Variants in CDH4 observed in about 807,000 individuals in gnomAD.
The protein encoded by CDH4 is cadherin-4.
CDH4 carries 33 observed loss-of-function variants against 86.0 expected under a neutral mutation model. That is an observed-to-expected ratio of 0.38 (90% CI 0.29 to 0.51). The LOEUF (loss-of-function observed/expected upper bound fraction) is 0.51, where lower values mean the gene tolerates loss of function less well. Ranked by LOEUF, CDH4 falls within the 20% of genes least tolerant of loss-of-function variation. The probability of loss-of-function intolerance (pLI) is 0.86; values close to 1 mark genes in which losing one functional copy is unlikely to be tolerated. For synonymous variants in CDH4, 555 were observed against 549.4 expected (o/e 1.01, Z -0.14); for missense variants, 1,114 against 1,307.4 (o/e 0.85, Z 2.28).
intron 4 of CDH4, among the ~76,000 whole-genome samples, chr20:61,825,000 G>A (rs12480435): frequency 6.6e-6 from 1 of 152,308 alleles, no homozygotes; most frequent in African/African-American, 2.4e-5. Context: ...CATAACAACA[G>A]CTATAACTGG....
At chr20:61,597,905 AG>A (rs1473789526) in intron 2 of CDH4, among the ~76,000 whole-genome samples, 15 of 152,366 alleles carry the variant, frequency 9.8e-5, no homozygotes, top group Middle Eastern at 3.4e-3. Context: ...ACTGAAGGGC[AG>A]GGTGGACCAG....
chr20:61,499,312 G>A (rs2085683812), intron 2 of CDH4: 1 of 474,398 alleles, frequency 2.1e-6, no homozygotes, highest in African/African-American at 2.0e-5. Flanking sequence ...ACTCTGGCCA[G>A]GTACTTTCAT....
intron 2 of CDH4, among the ~76,000 whole-genome samples, chr20:61,660,322 CAAAG>C (rs1256192647): frequency 3.9e-5 from 6 of 151,932 alleles, no homozygotes; most frequent in East Asian, 1.9e-4. Context: ...TCTTATCAAA[CAAAG>C]AGTGTTTAAT....
chr20:61,390,755 A>AGCACC (rs2084980702), intron 2 of CDH4, among the ~76,000 whole-genome samples: 3 of 150,270 alleles, frequency 2.0e-5, no homozygotes, highest in Admixed American at 1.3e-4. Flanking sequence ...GGGTGCCCAT[A>AGCACC]GTGCCGTGTC....
chr20:61,732,469 C>A (rs2088203509), intron 2 of CDH4, among the ~76,000 whole-genome samples: 1 of 152,200 alleles, frequency 6.6e-6, no homozygotes, highest in Non-Finnish European at 1.5e-5. Flanking sequence ...TCCTGCCCCC[C>A]AGTCTCCTCC....
intron 2 of CDH4, among the ~76,000 whole-genome samples, chr20:61,731,005 G>A (rs1227131272): frequency 6.6e-6 from 1 of 151,530 alleles, no homozygotes; most frequent in East Asian, 1.9e-4. Flanking sequence ...GAGCAGCTGA[G>A]GGGGTCTCAG....
At position 61,707,896 on chromosome 20, in the gene CDH4, G is replaced by A. The variant is rs193143513; in HGVS notation, c.170-35667G>A. Among the ~76,000 whole-genome samples, 9 of 152,294 alleles carry A rather than the reference G, an allele frequency of 5.9e-5. No homozygotes were observed. The South Asian group carries it at 6.2e-4, about 11-fold the overall frequency. On this transcript the variant is annotated intron_variant, in intron 2 of 15. Transcript: ENST00000614565. ...TCTTCCTGTGTCCTGATCTCAGCTCGGGAATGTGTCTGGTGTGTTTGTTTC... is the reference window on the plus strand; with the variant it reads ...TCTTCCTGTGTCCTGATCTCAGCTCAGGAATGTGTCTGGTGTGTTTGTTTC...
At chr20:61,721,192 G>T (rs1171145639) in intron 2 of CDH4, among the ~76,000 whole-genome samples, 5 of 152,214 alleles carry the variant, frequency 3.3e-5, no homozygotes, top group Admixed American at 6.5e-5. Flanking sequence ...GCAGCCAGAA[G>T]GGTCCAGTCC....
chr20:61,323,770 C>G (rs1474210738), intron 2 of CDH4, among the ~76,000 whole-genome samples: 1 of 152,194 alleles, frequency 6.6e-6, no homozygotes, highest in Non-Finnish European at 1.5e-5. Context: ...GGCCTCTCAT[C>G]TTGCCGTCAC....
chr20:61,874,196 C>T (rs1380299540), intron 7 of CDH4, among the ~76,000 whole-genome samples: 1 of 152,022 alleles, frequency 6.6e-6, no homozygotes, highest in African/African-American at 2.4e-5. Context: ...GGTCTAGCCG[C>T]AGCTGCACTC....
intron 2 of CDH4, among the ~76,000 whole-genome samples, chr20:61,424,214 G>T (rs572857370): frequency 3.6e-5 from 5 of 138,988 alleles, no homozygotes; most frequent in South Asian, 4.6e-4. Flanking sequence ...TCCACACACA[G>T]CACACATGTA....
chr20:61,554,450 T>TA (rs1323079098), intron 2 of CDH4, among the ~76,000 whole-genome samples: 1 of 152,180 alleles, frequency 6.6e-6, no homozygotes, highest in Admixed American at 6.5e-5. Context: ...TATTTTCTCT[T>TA]AAAGTTAATT....
At chr20:61,880,026 C>G (rs1426127079) in intron 7 of CDH4, among the ~76,000 whole-genome samples, 4 of 152,214 alleles carry the variant, frequency 2.6e-5, no homozygotes, top group Non-Finnish European at 4.4e-5. Context: ...TCAAGACCCT[C>G]TGCCCGCCCG....
chr20:61,898,623 G>A (rs914635394), intron 8 of CDH4, among the ~76,000 whole-genome samples: 3 of 152,190 alleles, frequency 2.0e-5, no homozygotes, highest in Non-Finnish European at 4.4e-5. Context: ...CACGGAGGGG[G>A]GGTCCCCTGG....
intron 2 of CDH4, among the ~76,000 whole-genome samples, chr20:61,636,258 G>T (rs540347399): frequency 8.5e-5 from 13 of 152,330 alleles, no homozygotes; most frequent in Admixed American, 1.3e-4. Context: ...ATAAGAAAAA[G>T]CACTCCCAGA....
chr20:61,710,911 G>A (rs1202628998), intron 2 of CDH4, among the ~76,000 whole-genome samples: 1 of 152,230 alleles, frequency 6.6e-6, no homozygotes, highest in Non-Finnish European at 1.5e-5. Context: ...TCCTGTCACT[G>A]CTCTAACAAA....
chr20:61,512,026 C>T (rs2225224), intron 2 of CDH4, among the ~76,000 whole-genome samples: 86,537 of 151,948 alleles, frequency 0.57, 25,493 homozygotes, highest in African/African-American at 0.71. Context: ...ACCCTCCATC[C>T]GCATTGATTT....
chr20:61,252,452 C>T lies in CDH4; in HGVS notation c.-62C>T, dbSNP rs2084065888. 3 of 832,134 alleles carry T rather than the reference C, an allele frequency of 3.6e-6. No homozygotes were observed. The highest frequency in any genetic ancestry group is 2.9e-6 in the Non-Finnish European group (2 of 682,172). The allele number at this position is 832,134 out of a possible 1,614,324, so 51.5% of individuals were successfully genotyped here. A position where few individuals can be genotyped will look rare whatever the true frequency, so the allele number is the denominator to read the frequency against. ...GCGGCGGCGGTGGTCTCGGCGGCGG[C>T]GGCGGCGGCGGCGGCAGGGAGCGGG... On this transcript the variant is annotated 5_prime_UTR_variant, in exon 1 of 16. Coordinates refer to ENST00000614565, the MANE Select transcript of CDH4 (RefSeq NM_001794.5). The surrounding 1 kb of genome is among the most constrained non-coding windows in gnomAD (Gnocchi z 4.4).
intron 2 of CDH4, among the ~76,000 whole-genome samples, chr20:61,335,370 T>C (rs987184347): frequency 2.6e-5 from 4 of 152,194 alleles, no homozygotes; most frequent in African/African-American, 9.7e-5. Flanking sequence ...GGATGTGACA[T>C]TTAAAATATT....
Sources: gnomAD v4.1 joint callset for allele counts (sites outside exome capture counted in the v4.1 genomes callset) on GRCh38, gnomAD v4.1.1 for gene constraint, Gnocchi (gnomAD v3.1) non-coding constraint, MANE v1.5 for transcripts, NCBI Gene and HGNC (gene_info 2026-07-23, HGNC 2026-07-21) for gene names.